Variants in DSP observed in about 807,000 individuals in gnomAD.
The protein encoded by DSP is desmoplakin, also known as 250/210 kDa paraneoplastic pemphigus antigen.
DSP carries 114 observed loss-of-function variants against 290.6 expected under a neutral mutation model. The ratio of observed to expected loss-of-function variants is 0.39; its 90% CI spans 0.34 to 0.46. The LOEUF (loss-of-function observed/expected upper bound fraction) is 0.46, where lower values mean the gene tolerates loss of function less well. Ranked by LOEUF, DSP falls within the 20% of genes least tolerant of loss-of-function variation. DSP has a pLI of 0.99. For synonymous variants in DSP, 1,311 were observed against 1,316.4 expected, an observed-to-expected ratio of 1.00 and a Z score of 0.09; for missense variants, 3,230 against 3,495.8, an observed-to-expected ratio of 0.92 and a Z score of 1.92.
rs368981849 is a variant in DSP at position 7,576,961 on chromosome 6, C to G, written c.2796C>G (p.Asn932Lys). 1.9e-6 allele frequency: 3 copies of G among 1,612,780 alleles called. No homozygotes were observed. Among genetic ancestry groups the G allele is most frequent in the Non-Finnish European group, 2.5e-6 (3 of 1,179,326 alleles). The change falls in exon 20 of 24, where the codon AAC becomes AAG. Residue 932 changes from asparagine to lysine, a missense_variant and splice_region_variant. Around this residue, in one of 5 missense-constraint regions of DSP, gnomAD observed 1,714 missense variants for 1,844.5 expected, o/e 0.93. Coordinates refer to ENST00000379802, the MANE Select transcript of DSP (RefSeq NM_004415.4). Reference protein sequence around the residue: ...TVMRFLNEQKNLHSEISGKRD... With the variant: ...TVMRFLNEQKKLHSEISGKRD... The stretch of plus-strand genomic sequence containing the variant: ...TAAATATTTCACTTTTTGTATAGAA[C>G]TTGCACAGTGAAATATCTGGCAAAC...
At chr6:7,554,138 G>A (rs1334016531) in intron 1 of DSP, among the ~76,000 whole-genome samples, 1 of 60,078 alleles carries the variant, frequency 1.7e-5, no homozygotes, top group Non-Finnish European at 3.1e-5. Context: ...CAGTTGGTTA[G>A]ACAGGCATCA....
At chr6:7,570,413 A>G (rs1160881907) in intron 12 of DSP, 24 bp from the exon 13 acceptor site, 2 of 1,613,974 alleles carry the variant, frequency 1.2e-6, no homozygotes, top group Non-Finnish European at 1.7e-6. Flanking sequence ...TGGCTCTAGC[A>G]TGTTTTCCCT....
At chr6:7,569,057 T>A (rs1758950328) in intron 11 of DSP, 129 bp from the exon 12 acceptor site, 2 of 1,264,810 alleles carry the variant, frequency 1.6e-6, no homozygotes, top group Non-Finnish European at 2.2e-6. Flanking sequence ...ATGATCAGCT[T>A]CATTTGAGGG....
At chr6:7,558,839 A>C (rs930997929) in intron 3 of DSP, among the ~76,000 whole-genome samples, 2 of 152,176 alleles carry the variant, frequency 1.3e-5, no homozygotes, top group Non-Finnish European at 2.9e-5. Context: ...TAGTTTAATA[A>C]ATATAAAAAT....
At chr6:7,559,071 T>G in intron 3 of DSP, among the ~76,000 whole-genome samples, 155 bp from the exon 4 acceptor site, 1 of 151,832 alleles carries the variant, frequency 6.6e-6, no homozygotes, top group East Asian at 1.9e-4. Flanking sequence ...GATTAAGACT[T>G]AAGTCCTGGG....
Position 7,583,259 on chromosome 6 carries a change from G to A in DSP, c.5997G>A (p.Lys1999=). 1 of 1,614,166 alleles carries A rather than the reference G, an allele frequency of 6.2e-7. No homozygotes were observed. Among genetic ancestry groups the A allele is most frequent in the African/African-American group, 1.3e-5 (1 of 75,034 alleles). Residue 1999 remains lysine (K), a synonymous_variant, in exon 24 of 24, where the codon AAG becomes AAA. Coordinates refer to ENST00000379802, the MANE Select transcript of DSP (RefSeq NM_004415.4). The surrounding 1 kb of genome is among the most constrained non-coding windows in gnomAD (Gnocchi z 4.0). The part of the protein sequence containing the change: ...TTLDKLLKGK[K]SVEEVASEIQ... The stretch of plus-strand genomic sequence containing the variant: ...TGGACAAACTATTGAAGGGGAAGAA[G>A]TCAGTGGAAGAAGTTGCTTCTGAAA...
intron 5 of DSP, 73 bp from the exon 6 acceptor site, chr6:7,563,663 G>GCT: frequency 8.1e-7 from 1 of 1,231,058 alleles, no homozygotes; most frequent in South Asian, 1.2e-5. Context: ...AGAAAAGGAG[G>GCT]CTTAGAAGGG....
chr6:7,560,552 T>C (rs1357328376), intron 4 of DSP, among the ~76,000 whole-genome samples: 1 of 152,218 alleles, frequency 6.6e-6, no homozygotes, highest in East Asian at 1.9e-4. Context: ...ACAAAGATTA[T>C]GGTCCCTAGT....
In DSP at chr6:7,581,849, C is replaced by T. The variant is rs183510612; in HGVS notation, c.5379+280C>T. 5.5e-4 allele frequency among the ~76,000 whole-genome samples: 84 copies of T among 152,226 alleles called. 1 individual carries two copies. Among genetic ancestry groups the T allele is most frequent in the East Asian group, 2.7e-3 (14 of 5,194 alleles). On this transcript the variant is annotated intron_variant, in intron 23 of 23. Coordinates refer to ENST00000379802, the MANE Select transcript of DSP (RefSeq NM_004415.4). Reference sequence around the variant, plus strand: ...ACACTAATACATGTATAACTTCCTCCGAATGTTCCATTCTACTTCTTAGAA... The same window carrying T: ...ACACTAATACATGTATAACTTCCTCTGAATGTTCCATTCTACTTCTTAGAA...
rs549387958 is a variant in DSP, at chr6:7,583,166, T to C, written c.5904T>C (p.Phe1968=). The C allele has an allele frequency of 1.2e-6, 2 of 1,613,942 alleles. No individual in the cohort carries two copies. Among genetic ancestry groups the C allele is most frequent in the African/African-American group, 2.7e-5 (2 of 74,946 alleles). Reference sequence around the variant, plus strand: ...CCGTTGACACCTCCAAGCTGGTGTTTGATGGGCTGAGGAAGAAGGTGACAG... The same window carrying C: ...CCGTTGACACCTCCAAGCTGGTGTTCGATGGGCTGAGGAAGAAGGTGACAG... ...EWTVDTSKLV[F]DGLRKKVTAM... The change falls in exon 24 of 24, where the codon TTT becomes TTC. Residue 1968 remains phenylalanine, a synonymous_variant. Coordinates refer to ENST00000379802, the MANE Select transcript of DSP (RefSeq NM_004415.4). The surrounding 1 kb of genome is among the most constrained non-coding windows in gnomAD (Gnocchi z 4.0).
At chr6:7,573,716 G>T (rs1759132028) in intron 15 of DSP, among the ~76,000 whole-genome samples, 1 of 152,158 alleles carries the variant, frequency 6.6e-6, no homozygotes, top group African/African-American at 2.4e-5. Context: ...GAAAAAAGTT[G>T]AATGCAGGGA....
At chr6:7,576,741 A>C (rs1759250699) in intron 19 of DSP, among the ~76,000 whole-genome samples, 1 of 152,230 alleles carries the variant, frequency 6.6e-6, no homozygotes, top group Non-Finnish European at 1.5e-5. Flanking sequence ...CTGACTAGAA[A>C]GTAACCTCTT....
At position 7,579,420 on chromosome 6, in the gene DSP, C is replaced by T. The variant is rs1257696096; in HGVS notation, c.3230C>T (p.Ala1077Val). 9.3e-6 allele frequency: 15 copies of T among 1,614,112 alleles called. No individual in the cohort carries two copies. Among genetic ancestry groups the T allele is most frequent in the Non-Finnish European group, 1.2e-5 (14 of 1,180,034 alleles). The change falls in exon 23 of 24, where the codon GCG (alanine) becomes GTG (valine). Residue 1077 changes from alanine to valine, a missense_variant. Transcript: ENST00000379802. The surrounding 1 kb of genome is among the most constrained non-coding windows in gnomAD (Gnocchi z 4.1). The stretch of plus-strand genomic sequence containing the variant: ...TGTTCCCAGTTCAAAGCGAAGCTTG[C>T]GAGCCTGGAGGAGCTGAAGAGACAG... ...AECSQFKAKL[A>V]SLEELKRQAE... is the part of the protein sequence containing the mutation.
rs1308747530 is a variant in DSP at position 7,559,305 on chromosome 6, G to A, written c.502G>A (p.Gly168Ser). 3.1e-6 allele frequency: 5 copies of A among 1,613,960 alleles called. No individual in the cohort carries two copies. The highest frequency in any genetic ancestry group is 4.5e-5 in the East Asian group (2 of 44,880). ...VPRVRRASSK[G>S]GGGYTCQSGS... ...TCGAGTCCGCAGGGCCAGCTCCAAG[G>A]GTGGTGGAGGCTACACTTGTCAGAG... Residue 168 changes from glycine (G) to serine (S), a missense_variant, in exon 4 of 24, where the codon GGT (glycine) becomes AGT (serine). Physicochemically the swap from Gly to Ser is moderately conservative, Grantham distance 56. Around this residue, in one of 5 missense-constraint regions of DSP, gnomAD observed 646 missense variants for 684.3 expected, o/e 0.94. Coordinates refer to ENST00000379802, the MANE Select transcript of DSP (RefSeq NM_004415.4).
chr6:7,559,443 G>C, intron 4 of DSP, 43 bp downstream of exon 4: 2 of 1,610,466 alleles, frequency 1.2e-6, no homozygotes, highest in Non-Finnish European at 1.7e-6. Context: ...CAGGCCAGAC[G>C]TTCCAGCACG....
intron 15 of DSP, 109 bp from the exon 16 acceptor site, chr6:7,573,977 T>A (rs2113682808): frequency 8.5e-7 from 1 of 1,171,372 alleles, no homozygotes; most frequent in South Asian, 1.3e-5. Flanking sequence ...CCTGATGTAA[T>A]CATTTCACTG....
Position 7,584,104 on chromosome 6 carries a change from G to T in DSP, c.6842G>T (p.Gly2281Val). 6.2e-7 allele frequency: 1 copy of T among 1,614,074 alleles called. No homozygotes were observed. Among genetic ancestry groups the T allele is most frequent in the South Asian group, 1.1e-5 (1 of 91,062 alleles). The change falls in exon 24 of 24, where the codon GGC (glycine) becomes GTC (valine). Residue 2281 changes from glycine to valine, a missense_variant. Gly to Val is a moderately radical substitution (Grantham distance 109, BLOSUM62 -3). Around this residue, in one of 5 missense-constraint regions of DSP, gnomAD observed 207 missense variants for 281.2 expected, o/e 0.74. Coordinates refer to ENST00000379802, the MANE Select transcript of DSP (RefSeq NM_004415.4). This position sits in a 1 kb window ranked among gnomAD's most constrained non-coding sequence, Gnocchi z 6.4. ...KLGIYEAMKI[G>V]LVRPGTALEL... ...GGCATTTATGAGGCCATGAAAATTG[G>T]CTTAGTCCGACCTGGTACTGCTCTG...
chr6:7,566,648 A>T (rs1024074200), intron 8 of DSP, among the ~76,000 whole-genome samples, 167 bp downstream of exon 8: 2 of 152,230 alleles, frequency 1.3e-5, no homozygotes, highest in African/African-American at 4.8e-5. Context: ...TCAGGAAAGG[A>T]CCAGACAATC....
chr6:7,574,203 T>C lies in DSP; in HGVS notation c.2248T>C (p.Phe750Leu). The stretch of plus-strand genomic sequence containing the variant: ...TTTACAGAATGAAGTATTTGGACTA[T>C]TTCAGAAACTGGAAAATATCAATGG... ...CYLQNEVFGL[F>L]QKLENINGVT... is the part of the protein sequence containing the mutation. The change falls in exon 16 of 24, where the codon TTT becomes CTT. Residue 750 changes from phenylalanine to leucine, a missense_variant. This residue lies in a region of DSP where 1,714 missense variants were observed against 1,844.5 expected (regional missense o/e 0.93). Transcript: ENST00000379802. 3.1e-6 allele frequency: 5 copies of C among 1,614,088 alleles called. No homozygotes were observed. The highest frequency in any genetic ancestry group is 4.2e-6 in the Non-Finnish European group (5 of 1,179,976).
Sources: allele counts gnomAD v4.1 joint callset (sites outside exome capture counted in the v4.1 genomes callset), GRCh38; gene constraint gnomAD v4.1.1; regional missense constraint gnomAD v4.1.1; non-coding constraint Gnocchi (gnomAD v3.1); transcripts MANE v1.5; gene names NCBI Gene and HGNC (gene_info 2026-07-23, HGNC 2026-07-21).